Variants in STAT5B observed in about 807,000 individuals in gnomAD.
The protein encoded by STAT5B is transcription factor STAT5B.
STAT5B carries 21 observed loss-of-function variants against 107.8 expected under a neutral mutation model. The observed-to-expected ratio is 0.19, with a 90% CI of 0.14 to 0.28. The LOEUF is 0.28. STAT5B is among the 10% of genes least tolerant of loss of function. STAT5B has a pLI of 1.00. For synonymous variants in STAT5B, 325 were observed against 401.7 expected (o/e 0.81, Z 2.28); for missense variants, 565 against 1,008.2 (o/e 0.56, Z 5.95).
the STAT5B span, among the ~76,000 whole-genome samples, chr17:42,282,983 G>A: frequency 2.6e-5 from 4 of 152,156 alleles, no homozygotes; most frequent in Non-Finnish European, 4.4e-5. Context: ...GTAGATCTGA[G>A]ACTTAAGAAA....
chr17:42,275,669 G>T (rs2080758487), intron 1 of STAT5B: 1 of 152,044 alleles, frequency 6.6e-6, no homozygotes, highest in African/African-American at 2.4e-5. Flanking sequence ...AGGCCTGGCG[G>T]GTCCTGATGT....
At chr17:42,263,866 A>AGCGCGC (rs200810500) in intron 1 of STAT5B, among the ~76,000 whole-genome samples, 23 of 93,266 alleles carry the variant, frequency 2.5e-4, no homozygotes, top group African/African-American at 9.6e-4. Flanking sequence ...GATACTAGAA[A>AGCGCGC]GCGCGCACAC....
In STAT5B at chr17:42,227,692, G is replaced by GA. The variant is rs2080285393; in HGVS notation, c.129-8dup. 6.2e-7 allele frequency: 1 copy of GA among 1,613,754 alleles called. No individual in the cohort carries two copies. The highest frequency in any genetic ancestry group is 8.5e-7 in the Non-Finnish European group (1 of 1,179,906). The stretch of plus-strand genomic sequence containing the variant: ...ATCAAGATCTACTGAGTCCCTAGGG[G>GA]AAAAAAATTACATAATCTGTATACA... On this transcript the variant is annotated splice_region_variant and splice_polypyrimidine_tract_variant and intron_variant, in intron 2 of 18. Coordinates refer to ENST00000293328, the MANE Select transcript of STAT5B (RefSeq NM_012448.4).
chr17:42,223,053 T>C (rs1198672107), intron 5 of STAT5B, among the ~76,000 whole-genome samples: 1 of 152,204 alleles, frequency 6.6e-6, no homozygotes, highest in Non-Finnish European at 1.5e-5. Flanking sequence ...ACTTATAATA[T>C]GCCTACTATA....
chr17:42,221,961 T>TGCTATGTGTGGTGTGTGTGTGC, intron 5 of STAT5B, among the ~76,000 whole-genome samples: 2 of 144,158 alleles, frequency 1.4e-5, no homozygotes, highest in African/African-American at 5.2e-5. Flanking sequence ...TGTGTGTGTG[T>TGCTATGTGTGGTGTGTGTGTGC]GCTATGTGTG....
rs1377189961 is a variant in STAT5B at position 42,212,171 on chromosome 17, A to G, written c.1493T>C (p.Val498Ala). Reference protein sequence around the residue: ...FAEPGRVPFAVPDKVLWPQLC... With the variant: ...FAEPGRVPFAAPDKVLWPQLC... ...CTGTGGCCACAGCACTTTGTCAGGC[A>G]CGGCAAATGGCACCCTGCCCTGAGA... Residue 498 changes from valine (V) to alanine (A), a missense_variant, in exon 13 of 19, where the codon GTG becomes GCG. By Grantham distance (64) the Val-to-Ala change is moderately conservative. Around this residue, in one of 11 missense-constraint regions of STAT5B, gnomAD observed 127 missense variants for 215.8 expected, o/e 0.59. Coordinates refer to ENST00000293328, the MANE Select transcript of STAT5B (RefSeq NM_012448.4). 6.2e-7 allele frequency: 1 copy of G among 1,614,200 alleles called. No individual in the cohort carries two copies. The highest frequency in any genetic ancestry group is 8.5e-7 in the Non-Finnish European group (1 of 1,180,032).
At chr17:42,250,847 C>A (rs913758380) in intron 1 of STAT5B, among the ~76,000 whole-genome samples, 1 of 151,020 alleles carries the variant, frequency 6.6e-6, no homozygotes, top group Non-Finnish European at 1.5e-5. Flanking sequence ...TCACTTGAAC[C>A]TAGGAGGCGG....
At position 42,218,668 on chromosome 17, in the gene STAT5B, C is replaced by A. The variant is rs536988207; in HGVS notation, c.989+55G>T. On this transcript the variant is annotated intron_variant, in intron 8 of 18. Transcript: ENST00000293328. ...TCTGGAAGGCACCTGCGGCTCCCCCCACGCAGGCAGGAGCTGCCCCAAGCT... is the reference window on the plus strand; with the variant it reads ...TCTGGAAGGCACCTGCGGCTCCCCCAACGCAGGCAGGAGCTGCCCCAAGCT... 134 of 1,612,148 alleles carry A rather than the reference C, an allele frequency of 8.3e-5. No homozygotes were observed. The South Asian group carries it at 1.1e-3, about 13-fold the overall frequency.
chr17:42,257,407 T>C (rs964682621), intron 1 of STAT5B, among the ~76,000 whole-genome samples: 1 of 152,200 alleles, frequency 6.6e-6, no homozygotes, highest in African/African-American at 2.4e-5. Flanking sequence ...TTGTGAAGTC[T>C]TGGTGATGCA....
chr17:42,239,906 A>T (rs1165479194), intron 1 of STAT5B, among the ~76,000 whole-genome samples: 1 of 152,176 alleles, frequency 6.6e-6, no homozygotes, highest in Non-Finnish European at 1.5e-5. Flanking sequence ...CGGGTGGATC[A>T]CCTGAGGTCA....
At chr17:42,209,542 T>G (rs2080112518) in intron 15 of STAT5B, among the ~76,000 whole-genome samples, 1 of 152,046 alleles carries the variant, frequency 6.6e-6, no homozygotes, top group Non-Finnish European at 1.5e-5. Flanking sequence ...CTGGGCAACA[T>G]ACAAAAAATT....
rs765607800 is a variant in STAT5B at position 42,201,773 on chromosome 17, T to C, written c.2329A>G (p.Met777Val). 2.2e-5 allele frequency: 35 copies of C among 1,614,016 alleles called. 1 individual carries two copies. Among genetic ancestry groups the C allele is most frequent in the South Asian group, 1.4e-4 (13 of 91,088 alleles). Residue 777 changes from methionine (M) to valine (V), a missense_variant, in exon 19 of 19, where the codon ATG becomes GTG. Physicochemically the swap from Met to Val is conservative, Grantham distance 21. This residue lies in a region of STAT5B where 76 missense variants were observed against 110.2 expected (regional missense o/e 0.69). Transcript: ENST00000293328. ...RRVEELLGRP[M>V]DSQWIPHAQS The stretch of plus-strand genomic sequence containing the variant: ...GCGTGCGGGATCCACTGACTGTCCA[T>C]TGGCCGGCCCAGGAGCTCCTCCACA...
In STAT5B at chr17:42,199,237, C is replaced by T. The variant is rs1184880660; in HGVS notation, c.*2501G>A. The T allele has an allele frequency of 2.6e-5, 4 of 151,602 alleles. No individual in the cohort carries two copies. The highest frequency in any genetic ancestry group is 9.9e-5 in the African/African-American group (4 of 40,460). 9.4% of individuals were successfully genotyped at this position (151,602 alleles called of 1,614,324 possible). On this transcript the variant is annotated 3_prime_UTR_variant, in exon 19 of 19. Transcript: ENST00000293328. ...ACACAACTTTGTGACTGTAACTCTG[C>T]ATAGGATATATTTCTTTTTTTTGAG...
intron 1 of STAT5B, among the ~76,000 whole-genome samples, chr17:42,262,789 C>CAT (rs1218806822): frequency 8.6e-6 from 1 of 116,328 alleles, no homozygotes; most frequent in African/African-American, 3.5e-5. Flanking sequence ...TATATATACA[C>CAT]ATATATATGT....
At chr17:42,212,323 G>C in intron 12 of STAT5B, 133 bp from the exon 13 acceptor site, 1 of 1,434,424 alleles carries the variant, frequency 7.0e-7, no homozygotes. Flanking sequence ...GATAAATTCA[G>C]ACTCTGCTGG....
chr17:42,272,655 T>C (rs1287290803), intron 1 of STAT5B: 1 of 152,158 alleles, frequency 6.6e-6, no homozygotes, highest in African/African-American at 2.4e-5. Context: ...CATCTGATGT[T>C]TGTCTGTATA....
the STAT5B span, among the ~76,000 whole-genome samples, chr17:42,283,772 T>A: frequency 6.6e-6 from 1 of 152,178 alleles, no homozygotes; most frequent in Non-Finnish European, 1.5e-5. Context: ...GGTCCTGATC[T>A]GTCTTCTTGG....
rs188364767 is a variant in STAT5B at position 42,215,801 on chromosome 17, T to A, written c.1473+213A>T. 1.7e-3 allele frequency among the ~76,000 whole-genome samples: 262 copies of A among 152,238 alleles called. 1 individual carries two copies. Among genetic ancestry groups the A allele is most frequent in the Middle Eastern group, 6.8e-3 (2 of 294 alleles). On this transcript the variant is annotated intron_variant, in intron 12 of 18. Coordinates refer to ENST00000293328, the MANE Select transcript of STAT5B (RefSeq NM_012448.4). Reference sequence around the variant, plus strand: ...ACCCAGCTAATTTTTCGGTATTTTTTAATAGAAACAGGATTTTGCTATGTT... The same window carrying A: ...ACCCAGCTAATTTTTCGGTATTTTTAAATAGAAACAGGATTTTGCTATGTT...
chr17:42,287,332 C>A, the STAT5B span, among the ~76,000 whole-genome samples: 1 of 150,144 alleles, frequency 6.7e-6, no homozygotes, highest in Non-Finnish European at 1.5e-5. Context: ...GAGAATGCAC[C>A]CCCCCCAACA....
Sources: allele counts gnomAD v4.1 joint callset (sites outside exome capture counted in the v4.1 genomes callset), GRCh38; gene constraint gnomAD v4.1.1; regional missense constraint gnomAD v4.1.1; transcripts MANE v1.5; gene names NCBI Gene and HGNC (gene_info 2026-07-23, HGNC 2026-07-21).